Variants in HIVEP3 observed in about 807,000 individuals in gnomAD.
The protein encoded by HIVEP3 is HIVEP zinc finger 3.
In HIVEP3, 49 loss-of-function variants were observed where a neutral mutation model predicts 152.8. The ratio of observed to expected loss-of-function variants is 0.32; its 90% CI spans 0.26 to 0.41. HIVEP3 has a LOEUF of 0.41. Ranked by LOEUF, HIVEP3 falls within the 10% of genes least tolerant of loss-of-function variation. The probability of loss-of-function intolerance (pLI) is 1.00; values close to 1 mark genes in which losing one functional copy is unlikely to be tolerated. For synonymous variants in HIVEP3, 1,269 were observed against 1,289.0 expected (o/e 0.98, Z 0.33); for missense variants, 2,790 against 3,103.3 (o/e 0.90, Z 2.40).
At chr1:41,787,696 A>ATT (rs879683214) in intron 1 of HIVEP3, among the ~76,000 whole-genome samples, 2 of 135,484 alleles carry the variant, frequency 1.5e-5, no homozygotes, top group Non-Finnish European at 3.2e-5. Flanking sequence ...AATTAAAAAA[A>ATT]TTTTTTTTTT....
intron 1 of HIVEP3, among the ~76,000 whole-genome samples, chr1:41,948,289 G>C (rs1472977426): frequency 6.6e-6 from 1 of 152,158 alleles, no homozygotes; most frequent in East Asian, 1.9e-4. Context: ...CTAGAATTAG[G>C]AGAAGGAAAA....
At chr1:41,912,498 TA>T (rs1557514643) in intron 1 of HIVEP3, among the ~76,000 whole-genome samples, 1 of 152,228 alleles carries the variant, frequency 6.6e-6, no homozygotes, top group Non-Finnish European at 1.5e-5. Flanking sequence ...TAAACCCACT[TA>T]AAATTCTAAG....
chr1:41,950,032 C>T (rs1164050670), intron 1 of HIVEP3, among the ~76,000 whole-genome samples: 2 of 152,140 alleles, frequency 1.3e-5, no homozygotes, highest in African/African-American at 4.8e-5. Flanking sequence ...CTAAGAATCC[C>T]TAAGCCTAGC....
chr1:41,787,974 G>C (rs1649462711), intron 1 of HIVEP3, among the ~76,000 whole-genome samples: 1 of 152,194 alleles, frequency 6.6e-6, no homozygotes. Flanking sequence ...AGAGAAGTCA[G>C]AGACAGAAGC....
At chr1:41,972,203 GC>G (rs985571246) in intron 1 of HIVEP3, among the ~76,000 whole-genome samples, 2 of 152,072 alleles carry the variant, frequency 1.3e-5, no homozygotes, top group African/African-American at 2.4e-5. Context: ...TCAAAACCCA[GC>G]CCAATGACCA....
At chr1:41,973,391 T>C (rs1302584922) in intron 1 of HIVEP3, among the ~76,000 whole-genome samples, 1 of 152,144 alleles carries the variant, frequency 6.6e-6, no homozygotes, top group South Asian at 2.1e-4. Context: ...CAAGATTTGA[T>C]TGAGGTAGGA....
chr1:41,584,878 G>A lies in HIVEP3; in HGVS notation c.-81C>T. ...ATGAATAATCCCAGTGTCCCAAGGA[G>A]GTGTCCAGCTTTGGCCACATTGGTC... On this transcript the variant is annotated 5_prime_UTR_variant, in exon 4 of 9. Coordinates refer to ENST00000372583, the MANE Select transcript of HIVEP3 (RefSeq NM_024503.5). This position sits in a 1 kb window ranked among gnomAD's most constrained non-coding sequence, Gnocchi z 5.2. 2 of 1,331,010 alleles carry A rather than the reference G, an allele frequency of 1.5e-6. No individual in the cohort carries two copies. Among genetic ancestry groups the A allele is most frequent in the Non-Finnish European group, 2.0e-6 (2 of 1,006,220 alleles). 82.4% of individuals were successfully genotyped at this position (1,331,010 alleles called of 1,614,324 possible).
At chr1:41,573,259 A>C (rs1024192384) in intron 5 of HIVEP3, among the ~76,000 whole-genome samples, 10 of 152,172 alleles carry the variant, frequency 6.6e-5, no homozygotes, top group African/African-American at 2.4e-4. Context: ...GGGGAACAAG[A>C]GGTTGTAAGG....
chr1:41,653,115 TA>T (rs1645576747), intron 2 of HIVEP3, among the ~76,000 whole-genome samples: 1 of 152,144 alleles, frequency 6.6e-6, no homozygotes, highest in African/African-American at 2.4e-5. Context: ...TTATTCACTT[TA>T]ATTTTTTTAG....
At chr1:42,026,321 G>A (rs112057464) in intron 1 of HIVEP3, among the ~76,000 whole-genome samples, 11 of 152,238 alleles carry the variant, frequency 7.2e-5, no homozygotes, top group Non-Finnish European at 1.2e-4. Context: ...CTGCAAGGCC[G>A]CCAAAACTAA....
At chr1:41,995,346 A>G (rs1645390095) in intron 1 of HIVEP3, among the ~76,000 whole-genome samples, 1 of 152,216 alleles carries the variant, frequency 6.6e-6, no homozygotes, top group Admixed American at 6.5e-5. Flanking sequence ...GGCTATAGAC[A>G]ATAAAATGAT....
At chr1:41,745,043 G>A (rs886164807) in intron 1 of HIVEP3, among the ~76,000 whole-genome samples, 5 of 152,236 alleles carry the variant, frequency 3.3e-5, no homozygotes, top group Non-Finnish European at 7.3e-5. Flanking sequence ...GTAAGCTCCA[G>A]CCAGAACCTG....
At chr1:41,781,863 C>T (rs1247169023) in intron 1 of HIVEP3, among the ~76,000 whole-genome samples, 1 of 152,228 alleles carries the variant, frequency 6.6e-6, no homozygotes. Context: ...AGTCTCAGCT[C>T]TCCTGTCACC....
At chr1:41,771,205 T>TA (rs1481490240) in intron 1 of HIVEP3, among the ~76,000 whole-genome samples, 1 of 152,172 alleles carries the variant, frequency 6.6e-6, no homozygotes, top group East Asian at 1.9e-4. Flanking sequence ...ACCTCCCTTA[T>TA]AAATAGAAGA....
intron 1 of HIVEP3, among the ~76,000 whole-genome samples, chr1:41,884,983 C>T (rs1247872448): frequency 1.3e-5 from 2 of 152,266 alleles, no homozygotes; most frequent in African/African-American, 2.4e-5. Context: ...AATTTTGTTG[C>T]GGAGGATTGG....
intron 2 of HIVEP3, among the ~76,000 whole-genome samples, chr1:41,696,421 G>A (rs1408533713): frequency 6.6e-6 from 1 of 152,238 alleles, no homozygotes; most frequent in East Asian, 1.9e-4. Flanking sequence ...CGGGTGACGA[G>A]GCACATTTTA....
At chr1:41,857,815 G>T (rs538599) in intron 1 of HIVEP3, among the ~76,000 whole-genome samples, 6 of 151,946 alleles carry the variant, frequency 3.9e-5, no homozygotes, top group Non-Finnish European at 7.4e-5. Flanking sequence ...CTCTAAGCTA[G>T]AAGACTGGAG....
intron 1 of HIVEP3, among the ~76,000 whole-genome samples, chr1:41,758,984 A>C (rs1647495462): frequency 6.6e-6 from 1 of 152,132 alleles, no homozygotes; most frequent in African/African-American, 2.4e-5. Flanking sequence ...TTTAAAGTAT[A>C]AAATTCAGTG....
chr1:41,532,345 G>T (rs72951303), intron 5 of HIVEP3, among the ~76,000 whole-genome samples: 1,932 of 152,102 alleles, frequency 0.013, 40 homozygotes, highest in African/African-American at 0.045. Context: ...GAGAAGGGAG[G>T]ACTTGGGTAG....
Sources: gnomAD v4.1 joint callset for allele counts (sites outside exome capture counted in the v4.1 genomes callset) on GRCh38, gnomAD v4.1.1 for gene constraint, Gnocchi (gnomAD v3.1) non-coding constraint, MANE v1.5 for transcripts, NCBI Gene and HGNC (gene_info 2026-07-23, HGNC 2026-07-21) for gene names.